The following ITPR2 variants were observed in gnomAD, a reference collection of about 807,000 sequenced individuals.
ITPR2 encodes the protein inositol 1,4,5-trisphosphate receptor type 2, also known as inositol 1,4,5-trisphosphate-gated calcium channel ITPR2.
Under a neutral mutation model 317.1 loss-of-function variants are expected in ITPR2, and 207 were observed. That is an observed-to-expected ratio of 0.65 (90% confidence interval 0.58 to 0.73). The LOEUF (loss-of-function observed/expected upper bound fraction) is 0.73, where lower values mean the gene tolerates loss of function less well. ITPR2 is among the 30% of genes least tolerant of loss of function. The probability of loss-of-function intolerance (pLI) is 0.00; values close to 1 mark genes in which losing one functional copy is unlikely to be tolerated. For synonymous variants in ITPR2, 1,156 were observed against 1,149.1 expected (o/e 1.01, Z -0.12); for missense variants, 2,613 against 3,284.0 (o/e 0.80, Z 4.99).
chr12:26,449,151 G>A (rs1347112439), intron 45 of ITPR2, among the ~76,000 whole-genome samples: 1 of 151,824 alleles, frequency 6.6e-6, no homozygotes, highest in Admixed American at 6.6e-5. Flanking sequence ...TTTTTAATGT[G>A]AGTTCCAATT....
rs1951096723 is a variant in ITPR2, at chr12:26,831,241, C to T, written c.92+1449G>A. ...TGGCACTAACGTGTTTTTCCTACCA[C>T]GCTTTAGTTGCATAAGAAAGTAACA... On this transcript the variant is annotated intron_variant, in intron 1 of 56. Coordinates refer to ENST00000381340, the MANE Select transcript of ITPR2 (RefSeq NM_002223.4). This position sits in a 1 kb window ranked among gnomAD's most constrained non-coding sequence, Gnocchi z 4.9. 6.6e-6 allele frequency among the ~76,000 whole-genome samples: 1 copy of T among 152,170 alleles called. No homozygotes were observed. The highest frequency in any genetic ancestry group is 2.4e-5 in the African/African-American group (1 of 41,438).
At chr12:26,385,618 C>A (rs112572614) in intron 55 of ITPR2, among the ~76,000 whole-genome samples, 5 of 152,326 alleles carry the variant, frequency 3.3e-5, no homozygotes, top group African/African-American at 7.2e-5. Context: ...TTCCAATCTA[C>A]AGTTCCTGTC....
chr12:26,569,603 A>T (rs1945103797), intron 34 of ITPR2, among the ~76,000 whole-genome samples: 1 of 151,922 alleles, frequency 6.6e-6, no homozygotes, highest in South Asian at 2.1e-4. Flanking sequence ...ATTGTTACTT[A>T]TAGGCAAAGA....
chr12:26,702,096 C>T (rs1948454254), intron 9 of ITPR2, among the ~76,000 whole-genome samples: 1 of 152,136 alleles, frequency 6.6e-6, no homozygotes, highest in South Asian at 2.1e-4. Context: ...TTCTCCCTCA[C>T]AGACATAGTT....
At chr12:26,720,312 T>C (rs1386602887) in intron 5 of ITPR2, among the ~76,000 whole-genome samples, 2 of 152,204 alleles carry the variant, frequency 1.3e-5, no homozygotes, top group African/African-American at 4.8e-5. Context: ...TCTTAAAACC[T>C]CATCTATTGT....
intron 30 of ITPR2, among the ~76,000 whole-genome samples, chr12:26,597,677 A>C (rs1315554213): frequency 1.3e-5 from 2 of 152,200 alleles, no homozygotes; most frequent in Admixed American, 6.5e-5. Flanking sequence ...AACTAAAACC[A>C]AAAAACCGAG....
intron 45 of ITPR2, among the ~76,000 whole-genome samples, chr12:26,459,696 A>T (rs1456136011): frequency 6.6e-6 from 1 of 151,986 alleles, no homozygotes; most frequent in Non-Finnish European, 1.5e-5. Context: ...TCAGGATTCA[A>T]CTCTTGAACT....
intron 22 of ITPR2, chr12:26,630,667 A>G (rs1002196038): frequency 1.3e-5 from 2 of 152,268 alleles, no homozygotes; most frequent in Non-Finnish European, 2.9e-5. Flanking sequence ...GAGACGCTGC[A>G]GAAATGAATC....
intron 21 of ITPR2, among the ~76,000 whole-genome samples, chr12:26,647,283 T>C (rs1039261255): frequency 3.9e-5 from 6 of 152,240 alleles, no homozygotes; most frequent in Admixed American, 1.3e-4. Flanking sequence ...CATATTCACA[T>C]GGAGATGATA....
At chr12:26,808,394 T>G (rs985266748) in intron 1 of ITPR2, among the ~76,000 whole-genome samples, 1 of 152,170 alleles carries the variant, frequency 6.6e-6, no homozygotes, top group Non-Finnish European at 1.5e-5. Flanking sequence ...ACCAAAAAAA[T>G]CCATACCTGC....
intron 48 of ITPR2, among the ~76,000 whole-genome samples, chr12:26,428,995 G>A (rs941939079): frequency 6.6e-6 from 1 of 152,154 alleles, no homozygotes; most frequent in Non-Finnish European, 1.5e-5. Context: ...TTCAATAACA[G>A]TCTTAATCTT....
intron 41 of ITPR2, among the ~76,000 whole-genome samples, chr12:26,485,825 G>A (rs1942652228): frequency 6.6e-6 from 1 of 152,100 alleles, no homozygotes; most frequent in African/African-American, 2.4e-5. Context: ...GAGAATACTA[G>A]GAAGACAGGA....
At chr12:26,448,907 T>C (rs1383064819) in intron 45 of ITPR2, among the ~76,000 whole-genome samples, 4 of 152,164 alleles carry the variant, frequency 2.6e-5, no homozygotes, top group Admixed American at 6.5e-5. Flanking sequence ...AGCAGGGTCT[T>C]TGAGCAACAC....
intron 1 of ITPR2, among the ~76,000 whole-genome samples, chr12:26,812,565 C>T (rs575496631): frequency 2.0e-5 from 3 of 152,142 alleles, no homozygotes; most frequent in Non-Finnish European, 4.4e-5. Context: ...GGCGACAGAG[C>T]GAGACTCCGT....
chr12:26,460,309 A>G (rs1941985088), intron 45 of ITPR2, among the ~76,000 whole-genome samples: 2 of 152,204 alleles, frequency 1.3e-5, no homozygotes. Flanking sequence ...AGATTCTCAC[A>G]TGGCCTTACG....
intron 45 of ITPR2, among the ~76,000 whole-genome samples, chr12:26,473,627 C>T (rs777738973): frequency 6.6e-6 from 1 of 152,190 alleles, no homozygotes; most frequent in East Asian, 1.9e-4. Flanking sequence ...AGTGCTACAG[C>T]CTCTAAAGTA....
chr12:26,671,226 C>T (rs562846134), intron 13 of ITPR2, among the ~76,000 whole-genome samples: 171 of 152,284 alleles, frequency 1.1e-3, no homozygotes, highest in African/African-American at 4.0e-3. Flanking sequence ...TCAAGAAGAG[C>T]AACTCCAAGA....
chr12:26,489,204 G>A (rs1942742428), intron 39 of ITPR2, among the ~76,000 whole-genome samples: 1 of 152,122 alleles, frequency 6.6e-6, no homozygotes, highest in Non-Finnish European at 1.5e-5. Context: ...TTTTGCTTAG[G>A]AAACTACCTC....
At chr12:26,627,896 A>T (rs184435516) in intron 23 of ITPR2, 137 bp downstream of exon 23, 1 of 733,552 alleles carries the variant, frequency 1.4e-6, no homozygotes, top group East Asian at 2.8e-5. Flanking sequence ...CGTTCTGCAC[A>T]TGTATCCCAG....
Sources: gnomAD v4.1 joint callset for allele counts (sites outside exome capture counted in the v4.1 genomes callset) on GRCh38, gnomAD v4.1.1 for gene constraint, Gnocchi (gnomAD v3.1) non-coding constraint, MANE v1.5 for transcripts, NCBI Gene and HGNC (gene_info 2026-07-23, HGNC 2026-07-21) for gene names.